The following ARPC2 variants were observed in gnomAD, a reference collection of about 807,000 sequenced individuals.
The protein encoded by ARPC2 is actin related protein 2/3 complex subunit 2.
In ARPC2, 4 loss-of-function variants were observed where a neutral mutation model predicts 38.6. The ratio of observed to expected loss-of-function variants is 0.10; its 90% CI spans 0.05 to 0.24. The LOEUF is 0.24. ARPC2 is among the 10% of genes least tolerant of loss of function. The pLI, the probability that ARPC2 is intolerant of heterozygous loss-of-function variation, is 1.00. For missense variants in ARPC2, 229 were observed against 387.3 expected (o/e 0.59, Z 3.43); for synonymous variants, 125 against 140.8 (o/e 0.89, Z 0.79).
intron 2 of ARPC2, among the ~76,000 whole-genome samples, chr2:218,221,909 A>G (rs1489111896): frequency 1.3e-5 from 2 of 152,344 alleles, no homozygotes; most frequent in South Asian, 2.1e-4. Context: ...AGTGAGCAGA[A>G]TTCAGTAATT....
intron 7 of ARPC2, among the ~76,000 whole-genome samples, chr2:218,242,293 A>G (rs1689934072): frequency 6.6e-6 from 1 of 152,236 alleles, no homozygotes; most frequent in South Asian, 2.1e-4. Context: ...CAATAGGACC[A>G]GTAATTATGC....
At position 218,251,836 on chromosome 2, in the gene ARPC2, C is replaced by T. The variant is rs184999655; in HGVS notation, c.878+1915C>T. On this transcript the variant is annotated intron_variant, in intron 10 of 10. Transcript: ENST00000315717. ...ACTCTCTCTCTTGCATTTGAGGGCT[C>T]TTCTACCAAGTTAGTTTCTGCTGTC... is the stretch of plus-strand genomic sequence containing the variant. Among the ~76,000 whole-genome samples, 394 of 152,294 alleles carry T rather than the reference C, an allele frequency of 2.6e-3. 2 individuals carry two copies. Among genetic ancestry groups the T allele is most frequent in the Non-Finnish European group, 3.9e-3 (264 of 68,022 alleles).
At position 218,253,986 on chromosome 2, in the gene ARPC2, T is replaced by A; in HGVS notation, c.*71T>A. ...CACTTGCTACTGGATAATCGTAGCT[T>A]TTAATGTTGCGCCTCTTCAGGTTCT... On this transcript the variant is annotated 3_prime_UTR_variant, in exon 11 of 11. Coordinates refer to ENST00000315717, the MANE Select transcript of ARPC2 (RefSeq NM_152862.3). 6.3e-7 allele frequency: 1 copy of A among 1,590,942 alleles called. No homozygotes were observed. Among genetic ancestry groups the A allele is most frequent in the Non-Finnish European group, 8.6e-7 (1 of 1,160,396 alleles).
chr2:218,228,088 G>C (rs1689546543), intron 3 of ARPC2, among the ~76,000 whole-genome samples: 1 of 152,144 alleles, frequency 6.6e-6, no homozygotes, highest in Admixed American at 6.6e-5. Context: ...ATGTCTAAAT[G>C]AAACAAGAAT....
intron 10 of ARPC2, among the ~76,000 whole-genome samples, chr2:218,251,370 C>G (rs1222318517): frequency 6.6e-6 from 1 of 151,376 alleles, no homozygotes; most frequent in Non-Finnish European, 1.5e-5. Context: ...CGCCACTAAG[C>G]CCCACTAATT....
At chr2:218,233,772 T>A (rs1001706285) in intron 4 of ARPC2, 1 of 152,196 alleles carries the variant, frequency 6.6e-6, no homozygotes, top group African/African-American at 2.4e-5. Flanking sequence ...CCTTTTGCTC[T>A]CTTGAAAACA....
chr2:218,230,116 A>T (rs959760534), intron 4 of ARPC2, among the ~76,000 whole-genome samples: 2 of 151,654 alleles, frequency 1.3e-5, no homozygotes, highest in Non-Finnish European at 2.9e-5. Flanking sequence ...GATTACAGGC[A>T]TGCACCGCTA....
intron 4 of ARPC2, among the ~76,000 whole-genome samples, chr2:218,232,607 G>GCACCCGGGCTGGAGTT (rs1279118042): frequency 7.1e-6 from 1 of 140,580 alleles, no homozygotes; most frequent in African/African-American, 2.7e-5. Flanking sequence ...GGGCTGGAGT[G>GCACCCGGGCTGGAGTT]CACCCAGGCT....
intron 8 of ARPC2, 121 bp from the exon 9 acceptor site, chr2:218,249,243 A>G: frequency 1.5e-6 from 1 of 665,366 alleles, no homozygotes; most frequent in South Asian, 1.8e-5. Context: ...GCCTGGTAAT[A>G]CTGACACAAG....
At chr2:218,238,950 C>T (rs537421166) in intron 6 of ARPC2, 100 bp downstream of exon 6, 31 of 989,620 alleles carry the variant, frequency 3.1e-5, no homozygotes, top group Non-Finnish European at 3.9e-5. Flanking sequence ...AGCTGTATTG[C>T]GTGAAAATGT....
chr2:218,242,153 G>A (rs1470106576), intron 7 of ARPC2, among the ~76,000 whole-genome samples: 1 of 152,186 alleles, frequency 6.6e-6, no homozygotes, highest in Non-Finnish European at 1.5e-5. Context: ...AGCAGGCTCT[G>A]AGGGATGCTT....
chr2:218,239,514 A>G, intron 7 of ARPC2, 30 bp downstream of exon 7: 1 of 1,553,080 alleles, frequency 6.4e-7, no homozygotes, highest in Non-Finnish European at 8.9e-7. Flanking sequence ...GGGGAAACCC[A>G]TGCATGGCGA....
chr2:218,239,152 C>A, intron 6 of ARPC2: 1 of 578,992 alleles, frequency 1.7e-6, no homozygotes, highest in East Asian at 2.8e-5. Flanking sequence ...ACCATAGGTC[C>A]ATGTTATATT....
intron 7 of ARPC2, 137 bp downstream of exon 7, chr2:218,239,621 TTC>T (rs1386684954): frequency 2.9e-5 from 19 of 657,626 alleles, no homozygotes; most frequent in Admixed American, 1.4e-4. Flanking sequence ...GAGACGGAGT[TTC>T]TCTCTTGTTG....
At chr2:218,219,557 C>T (rs1463148663) in intron 2 of ARPC2, among the ~76,000 whole-genome samples, 3 of 152,082 alleles carry the variant, frequency 2.0e-5, no homozygotes, top group African/African-American at 7.2e-5. Context: ...ACCATGTTGG[C>T]CAGGCTGGTC....
Position 218,238,795 on chromosome 2 carries a change from G to A in ARPC2, c.400G>A (p.Glu134Lys). Residue 134 changes from glutamate (E) to lysine (K), a missense_variant, in exon 6 of 11, where the codon GAG (glutamate) becomes AAG (lysine). Coordinates refer to ENST00000315717, the MANE Select transcript of ARPC2 (RefSeq NM_152862.3). ...TGAAAAATACTTCCAATTCCAAGAAGAGGGCAAGGAAGGAGAGAACAGGGC... is the reference window on the plus strand; with the variant it reads ...TGAAAAATACTTCCAATTCCAAGAAAAGGGCAAGGAAGGAGAGAACAGGGC... ...VFEKYFQFQE[E>K]GKEGENRAVI... 6.2e-7 allele frequency: 1 copy of A among 1,613,994 alleles called. No homozygotes were observed. The highest frequency in any genetic ancestry group is 1.1e-5 in the South Asian group (1 of 91,074).
chr2:218,222,428 GA>G (rs1363933291), intron 2 of ARPC2, among the ~76,000 whole-genome samples: 1 of 152,102 alleles, frequency 6.6e-6, no homozygotes, highest in African/African-American at 2.4e-5. Context: ...AAAGATAGAA[GA>G]AAATTTTTTC....
intron 7 of ARPC2, 39 bp downstream of exon 7, chr2:218,239,523 G>A (rs367601012): frequency 5.4e-6 from 8 of 1,493,910 alleles, no homozygotes; most frequent in Admixed American, 1.7e-5. Context: ...CATGCATGGC[G>A]ACTTATACCT....
At chr2:218,233,490 C>T (rs1303611402) in intron 4 of ARPC2, 1 of 151,798 alleles carries the variant, frequency 6.6e-6, no homozygotes. Flanking sequence ...TGGAAAGTAG[C>T]CAGCAGTAGG....
Sources: gnomAD v4.1 joint callset for allele counts (sites outside exome capture counted in the v4.1 genomes callset) on GRCh38, gnomAD v4.1.1 for gene constraint, MANE v1.5 for transcripts, NCBI Gene and HGNC (gene_info 2026-07-23, HGNC 2026-07-21) for gene names.